MYRIP: variants seen among roughly 807,000 people sequenced by gnomAD.
MYRIP encodes the protein myosin VIIA and Rab interacting protein.
Under a neutral mutation model 98.0 loss-of-function variants are expected in MYRIP, and 49 were observed. The ratio of observed to expected loss-of-function variants is 0.50; its 90% CI spans 0.40 to 0.63. MYRIP has a LOEUF of 0.63. MYRIP is among the 30% of genes least tolerant of loss of function. The pLI, the probability that MYRIP is intolerant of heterozygous loss-of-function variation, is 0.00. For synonymous variants in MYRIP, 404 were observed against 409.5 expected (o/e 0.99, Z 0.16); for missense variants, 1,004 against 1,058.2 (o/e 0.95, Z 0.71).
intron 1 of MYRIP, among the ~76,000 whole-genome samples, chr3:39,820,770 T>G (rs1941079079): frequency 1.3e-5 from 2 of 152,322 alleles, no homozygotes; most frequent in Non-Finnish European, 2.9e-5. Flanking sequence ...AGCTCTGTGG[T>G]CCAGAGGATG....
chr3:40,218,461 T>C (rs1952193470), intron 11 of MYRIP, among the ~76,000 whole-genome samples: 2 of 151,490 alleles, frequency 1.3e-5, no homozygotes, highest in South Asian at 4.2e-4. Flanking sequence ...GATGGAAATA[T>C]TCTATATCTT....
intron 2 of MYRIP, among the ~76,000 whole-genome samples, chr3:39,903,574 G>C (rs1943798597): frequency 6.6e-6 from 1 of 152,136 alleles, no homozygotes; most frequent in Non-Finnish European, 1.5e-5. Flanking sequence ...AACACATCAT[G>C]GTAATGTAAA....
chr3:39,816,414 A>G (rs1324099064), intron 1 of MYRIP, among the ~76,000 whole-genome samples: 2 of 152,112 alleles, frequency 1.3e-5, no homozygotes, highest in East Asian at 3.9e-4. Context: ...CTGACAACCT[A>G]TCCTGAGAGT....
intron 10 of MYRIP, among the ~76,000 whole-genome samples, chr3:40,199,202 T>C (rs1951484280): frequency 6.6e-6 from 1 of 152,184 alleles, no homozygotes; most frequent in Non-Finnish European, 1.5e-5. Context: ...TGGATCCTTG[T>C]GGAGAGGATG....
intron 3 of MYRIP, among the ~76,000 whole-genome samples, chr3:40,145,751 A>G (rs1029991360): frequency 6.6e-6 from 1 of 152,222 alleles, no homozygotes; most frequent in African/African-American, 2.4e-5. Flanking sequence ...ACCGTTTTTA[A>G]TGCAGAAGAA....
intron 1 of MYRIP, among the ~76,000 whole-genome samples, chr3:39,894,345 A>G (rs1003984104): frequency 6.6e-6 from 1 of 152,166 alleles, no homozygotes; most frequent in African/African-American, 2.4e-5. Flanking sequence ...CTAACATTCT[A>G]AACTAGTTTT....
intron 1 of MYRIP, among the ~76,000 whole-genome samples, chr3:39,852,649 C>T (rs1942166782): frequency 6.6e-6 from 1 of 151,956 alleles, no homozygotes; most frequent in Non-Finnish European, 1.5e-5. Context: ...TTTTCCATTT[C>T]TGAGTTACGT....
In MYRIP at chr3:40,088,316, G is replaced by T. The variant is rs78521837; in HGVS notation, c.332+44045G>T. ...GCACTCCTTATTTTAGTCAGAACTGGCTCAGAACCTAGAGCAGGACTGGAG... is the reference window on the plus strand; with the variant it reads ...GCACTCCTTATTTTAGTCAGAACTGTCTCAGAACCTAGAGCAGGACTGGAG... On this transcript the variant is annotated intron_variant, in intron 3 of 16. Coordinates refer to ENST00000302541, the MANE Select transcript of MYRIP (RefSeq NM_015460.4). Among the ~76,000 whole-genome samples the T allele has an allele frequency of 7.9e-4, 121 of 152,290 alleles. 2 individuals are homozygous for T. The highest frequency in any genetic ancestry group is 3.4e-3 in the Middle Eastern group (1 of 294).
At chr3:39,998,436 A>G (rs1365751931) in intron 2 of MYRIP, among the ~76,000 whole-genome samples, 1 of 152,202 alleles carries the variant, frequency 6.6e-6, no homozygotes, top group Non-Finnish European at 1.5e-5. Context: ...CAATTGCTTC[A>G]AAGACAATAA....
chr3:39,919,695 TGTGTG>T (rs1484582477), intron 2 of MYRIP, among the ~76,000 whole-genome samples: 30 of 69,294 alleles, frequency 4.3e-4, no homozygotes, highest in African/African-American at 2.2e-3. Context: ...GTATGTGTGG[TGTGTG>T]TGTGTGTGTG....
intron 1 of MYRIP, among the ~76,000 whole-genome samples, chr3:39,823,330 C>T (rs1292242167): frequency 6.6e-6 from 1 of 152,120 alleles, no homozygotes; most frequent in East Asian, 1.9e-4. Context: ...CTTTTCAATA[C>T]ACTGATTTCT....
intron 2 of MYRIP, among the ~76,000 whole-genome samples, chr3:39,914,800 GA>G (rs1944113785): frequency 6.6e-6 from 1 of 151,960 alleles, no homozygotes. Context: ...TAAAATAGTT[GA>G]GAAAAATGGT....
chr3:39,934,208 C>T (rs1944606853), intron 2 of MYRIP, among the ~76,000 whole-genome samples: 1 of 152,166 alleles, frequency 6.6e-6, no homozygotes, highest in Non-Finnish European at 1.5e-5. Flanking sequence ...TGATGCTGTG[C>T]CCATGTACTG....
chr3:40,063,974 G>C (rs1948075836), intron 3 of MYRIP, among the ~76,000 whole-genome samples: 1 of 152,106 alleles, frequency 6.6e-6, no homozygotes, highest in South Asian at 2.1e-4. Context: ...TCCATGAGAA[G>C]AGTGTACAGC....
intron 11 of MYRIP, among the ~76,000 whole-genome samples, chr3:40,229,157 G>C (rs1952572059): frequency 6.6e-6 from 1 of 152,172 alleles, no homozygotes; most frequent in South Asian, 2.1e-4. Context: ...TACAGGCTCA[G>C]CTCTCCCCTG....
At chr3:40,239,201 TC>T (rs1457686142) in intron 12 of MYRIP, among the ~76,000 whole-genome samples, 3 of 151,890 alleles carry the variant, frequency 2.0e-5, no homozygotes, top group Non-Finnish European at 4.4e-5. Context: ...AATGATGATT[TC>T]CAATTTCATC....
chr3:39,984,845 A>T (rs1945992288), intron 2 of MYRIP, among the ~76,000 whole-genome samples: 1 of 152,048 alleles, frequency 6.6e-6, no homozygotes, highest in East Asian at 1.9e-4. Context: ...TCCCACCAAC[A>T]GTGTGAAAGT....
chr3:40,123,325 G>A (rs576390086), intron 3 of MYRIP, among the ~76,000 whole-genome samples: 2 of 152,276 alleles, frequency 1.3e-5, no homozygotes, highest in Admixed American at 1.3e-4. Flanking sequence ...GCTGAAGTTC[G>A]TTAAAAGTTA....
At chr3:39,892,003 C>T (rs949996400) in intron 1 of MYRIP, among the ~76,000 whole-genome samples, 7 of 151,942 alleles carry the variant, frequency 4.6e-5, no homozygotes, top group Non-Finnish European at 7.4e-5. Context: ...TAGACAAATA[C>T]ATCTCTCTTT....
Sources: allele counts gnomAD v4.1 joint callset (sites outside exome capture counted in the v4.1 genomes callset), GRCh38; gene constraint gnomAD v4.1.1; transcripts MANE v1.5; gene names NCBI Gene and HGNC (gene_info 2026-07-23, HGNC 2026-07-21).